RYK: variants seen among roughly 807,000 people sequenced by gnomAD.
The protein encoded by RYK is inactive tyrosine-protein kinase RYK.
In RYK, 21 loss-of-function variants were observed where a neutral mutation model predicts 70.2. The ratio of observed to expected loss-of-function variants is 0.30; its 90% confidence interval spans 0.21 to 0.43. The LOEUF (loss-of-function observed/expected upper bound fraction) is 0.43, where lower values mean the gene tolerates loss of function less well. RYK is among the 20% of genes least tolerant of loss of function. The pLI is 1.00. For missense variants in RYK, 604 were observed against 753.3 expected (o/e 0.80, Z 2.32); for synonymous variants, 267 against 278.0 (o/e 0.96, Z 0.39).
At chr3:134,213,012 A>G (rs1021466144) in intron 2 of RYK, among the ~76,000 whole-genome samples, 1 of 152,208 alleles carries the variant, frequency 6.6e-6, no homozygotes, top group African/African-American at 2.4e-5. Context: ...GCTGCAGCAC[A>G]TCAGTGACTT....
intron 5 of RYK, among the ~76,000 whole-genome samples, chr3:134,204,230 C>T (rs2014128366): frequency 6.6e-6 from 1 of 152,028 alleles, no homozygotes; most frequent in Non-Finnish European, 1.5e-5. Flanking sequence ...TGCCGTGGCT[C>T]ACACCTGTAA....
chr3:134,230,017 A>C (rs934211385), intron 1 of RYK, among the ~76,000 whole-genome samples: 18 of 152,352 alleles, frequency 1.2e-4, no homozygotes, highest in Middle Eastern at 3.4e-3. Flanking sequence ...ATGATCCAAG[A>C]ATTCCATTTC....
chr3:134,212,586 C>T (rs1481120498), intron 2 of RYK, among the ~76,000 whole-genome samples: 1 of 152,158 alleles, frequency 6.6e-6, no homozygotes, highest in Non-Finnish European at 1.5e-5. Flanking sequence ...CTTCAAGAAA[C>T]TTAACTAGAA....
chr3:134,188,152 T>A (rs1285893956), intron 9 of RYK, among the ~76,000 whole-genome samples: 1 of 85,904 alleles, frequency 1.2e-5, no homozygotes, highest in Non-Finnish European at 2.1e-5. Flanking sequence ...AATCTAACAA[T>A]ATATATATAT....
chr3:134,201,623 C>T (rs1404698108), intron 6 of RYK, among the ~76,000 whole-genome samples: 1 of 152,050 alleles, frequency 6.6e-6, no homozygotes, highest in Non-Finnish European at 1.5e-5. Context: ...ATTTGAAGAA[C>T]GGACCAAGTT....
chr3:134,163,228 C>T (rs2012537793), intron 13 of RYK, among the ~76,000 whole-genome samples: 1 of 152,204 alleles, frequency 6.6e-6, no homozygotes, highest in Non-Finnish European at 1.5e-5. Flanking sequence ...TGATTAATTA[C>T]ATGTTGGCAA....
chr3:134,213,504 G>A (rs1334379998), intron 2 of RYK, among the ~76,000 whole-genome samples: 1 of 151,788 alleles, frequency 6.6e-6, no homozygotes, highest in Non-Finnish European at 1.5e-5. Context: ...CAGGGATTCT[G>A]ACACAAACCC....
intron 6 of RYK, among the ~76,000 whole-genome samples, chr3:134,196,104 A>T (rs752907752): frequency 1.3e-5 from 2 of 152,208 alleles, no homozygotes; most frequent in Non-Finnish European, 1.5e-5. Flanking sequence ...GACACCAAGA[A>T]GATGATAGGT....
intron 4 of RYK, among the ~76,000 whole-genome samples, chr3:134,208,067 T>C (rs892284224): frequency 1.3e-5 from 2 of 152,092 alleles, no homozygotes; most frequent in African/African-American, 4.8e-5. Context: ...GCCAAAACCA[T>C]GACCAACAAA....
chr3:134,248,633 A>G (rs2015531550), intron 1 of RYK, among the ~76,000 whole-genome samples: 2 of 152,136 alleles, frequency 1.3e-5, no homozygotes, highest in Admixed American at 1.3e-4. Flanking sequence ...CCTGACCAAC[A>G]TGGTGAAACC....
chr3:134,246,533 C>T (rs978666310), intron 1 of RYK, among the ~76,000 whole-genome samples: 1 of 151,698 alleles, frequency 6.6e-6, no homozygotes, highest in African/African-American at 2.4e-5. Flanking sequence ...GAAAAAGAAC[C>T]TGAGCTTCAA....
At chr3:134,226,175 A>C (rs1478129430) in intron 1 of RYK, among the ~76,000 whole-genome samples, 1 of 152,150 alleles carries the variant, frequency 6.6e-6, no homozygotes, top group Non-Finnish European at 1.5e-5. Context: ...AAAAAACACC[A>C]AACACAAATT....
At chr3:134,201,746 G>A (rs932954360) in intron 6 of RYK, among the ~76,000 whole-genome samples, 4 of 152,296 alleles carry the variant, frequency 2.6e-5, no homozygotes, top group East Asian at 3.9e-4. Flanking sequence ...TGACTGGAGC[G>A]CAAGTAAGGA....
chr3:134,222,400 G>A lies in RYK; in HGVS notation c.354+18C>T. The A allele has an allele frequency of 8.7e-6, 14 of 1,612,104 alleles. No individual in the cohort carries two copies. The highest frequency in any genetic ancestry group is 1.1e-5 in the Non-Finnish European group (13 of 1,179,562). ...TGGGTGACCCTGTCATGATGTCTGTGGTTAGCCACTCTCTTACCTTGGACT... is the reference window on the plus strand; with the variant it reads ...TGGGTGACCCTGTCATGATGTCTGTAGTTAGCCACTCTCTTACCTTGGACT... On this transcript the variant is annotated intron_variant, in intron 2 of 14. Transcript: ENST00000623711.
At chr3:134,181,197 A>T (rs1303808436) in intron 10 of RYK, 1 of 152,246 alleles carries the variant, frequency 6.6e-6, no homozygotes. Context: ...TTAACATTAT[A>T]TACTAGGATT....
rs527978668 is a variant in RYK at position 134,214,804 on chromosome 3, G to C, written c.355-3197C>G. On this transcript the variant is annotated intron_variant, in intron 2 of 14. Transcript: ENST00000623711. The stretch of plus-strand genomic sequence containing the variant: ...TTTTGTCCCTTTCCACTAGTACAGA[G>C]GAACCCCATTTCTGCCTTTCTTTTC... Among the ~76,000 whole-genome samples the C allele has an allele frequency of 7.6e-4, 115 of 152,224 alleles. 1 individual carries two copies. Among genetic ancestry groups the C allele is most frequent in the Admixed American group, 1.6e-3 (24 of 15,294 alleles).
At chr3:134,220,949 T>C (rs945586141) in intron 2 of RYK, among the ~76,000 whole-genome samples, 3 of 152,094 alleles carry the variant, frequency 2.0e-5, no homozygotes, top group African/African-American at 7.2e-5. Context: ...ACGAGGTACT[T>C]CACAGATAGC....
At chr3:134,191,249 A>G (rs1307476930) in intron 8 of RYK, among the ~76,000 whole-genome samples, 1 of 152,234 alleles carries the variant, frequency 6.6e-6, no homozygotes, top group African/African-American at 2.4e-5. Flanking sequence ...AGCAAGGCCC[A>G]GTGAGAGGTG....
intron 1 of RYK, among the ~76,000 whole-genome samples, chr3:134,226,899 A>C (rs146712499): frequency 6.6e-6 from 1 of 152,282 alleles, no homozygotes; most frequent in African/African-American, 2.4e-5. Flanking sequence ...GATCAGAAAC[A>C]AGGCAAAGAT....
Sources: allele counts gnomAD v4.1 joint callset (sites outside exome capture counted in the v4.1 genomes callset), GRCh38; gene constraint gnomAD v4.1.1; transcripts MANE v1.5; gene names NCBI Gene and HGNC (gene_info 2026-07-23, HGNC 2026-07-21).